Variants in FOXP1 observed in about 807,000 individuals in gnomAD.
FOXP1 encodes the protein forkhead box P1.
Under a neutral mutation model 98.2 loss-of-function variants are expected in FOXP1, and 15 were observed. The ratio of observed to expected loss-of-function variants is 0.15; its 90% CI spans 0.10 to 0.24. FOXP1 has a LOEUF of 0.24. FOXP1 is among the 10% of genes least tolerant of loss of function. The probability of loss-of-function intolerance (pLI) is 1.00; values close to 1 mark genes in which losing one functional copy is unlikely to be tolerated. For synonymous variants in FOXP1, 371 were observed against 314.5 expected (o/e 1.18, Z -1.90); for missense variants, 633 against 848.5 (o/e 0.75, Z 3.15).
chr3:71,037,085 T>C (rs2047696358), intron 11 of FOXP1, among the ~76,000 whole-genome samples: 1 of 152,176 alleles, frequency 6.6e-6, no homozygotes, highest in Admixed American at 6.5e-5. Flanking sequence ...TCCTCATCTG[T>C]AAAATGGGTA....
intron 5 of FOXP1, among the ~76,000 whole-genome samples, chr3:71,268,431 G>C (rs1162217207): frequency 6.6e-6 from 1 of 152,102 alleles, no homozygotes; most frequent in African/African-American, 2.4e-5. Context: ...GGAAAGTTGG[G>C]GGGGTAGTGG....
chr3:71,233,843 A>G lies in FOXP1; in HGVS notation c.-11-35451T>C, dbSNP rs542221615. 1.3e-4 allele frequency among the ~76,000 whole-genome samples: 20 copies of G among 152,372 alleles called. 1 individual carries two copies. The highest frequency in any genetic ancestry group is 4.8e-4 in the African/African-American group (20 of 41,582). On this transcript the variant is annotated intron_variant, in intron 5 of 20. Transcript: ENST00000649528. ...AATGCATAAAAGTGGAATCAAAAAGAGAACTTAAGACCTTGGTAAAATGGA... is the reference window on the plus strand; with the variant it reads ...AATGCATAAAAGTGGAATCAAAAAGGGAACTTAAGACCTTGGTAAAATGGA...
chr3:70,973,233 CCCCCGCCCCCG>C (rs992149486), intron 17 of FOXP1, among the ~76,000 whole-genome samples: 26 of 113,274 alleles, frequency 2.3e-4, no homozygotes, highest in East Asian at 1.4e-3. Context: ...GTGAACGGAC[CCCCCGCCCCCG>C]CCCCGCCCCG....
At chr3:71,375,803 G>A (rs577930887) in intron 3 of FOXP1, among the ~76,000 whole-genome samples, 1 of 152,282 alleles carries the variant, frequency 6.6e-6, no homozygotes, top group Non-Finnish European at 1.5e-5. Flanking sequence ...AAAATCAGAC[G>A]ATTCCTTAGA....
chr3:71,338,351 C>T (rs1026521455), intron 4 of FOXP1, among the ~76,000 whole-genome samples: 2 of 152,160 alleles, frequency 1.3e-5, no homozygotes, highest in African/African-American at 2.4e-5. Context: ...TTATGAGGGA[C>T]GGATTTGAAT....
rs2069114547 is a variant in FOXP1, at chr3:71,261,279, T to C, written c.-12+38541A>G. On this transcript the variant is annotated intron_variant, in intron 5 of 20. Coordinates refer to ENST00000649528, the MANE Select transcript of FOXP1 (RefSeq NM_001349338.3). ...TATAAATAATGCCACTTTTAGTAAA[T>C]TATCACTAAGTTTTCAACATAATAT... Among the ~76,000 whole-genome samples the C allele has an allele frequency of 2.6e-5, 4 of 152,188 alleles. No homozygotes were observed. The South Asian group carries it at 8.3e-4, about 32-fold the overall frequency.
intron 2 of FOXP1, among the ~76,000 whole-genome samples, chr3:71,529,884 A>C (rs965527418): frequency 2.0e-5 from 3 of 152,164 alleles, no homozygotes; most frequent in Admixed American, 2.0e-4. Flanking sequence ...AGTGTTTCCT[A>C]GAGTTGTGTA....
intron 2 of FOXP1, among the ~76,000 whole-genome samples, chr3:71,535,454 T>C (rs1188749461): frequency 6.6e-6 from 1 of 151,938 alleles, no homozygotes; most frequent in African/African-American, 2.4e-5. Context: ...CCTGGAATCC[T>C]AGCACTTTGG....
intron 4 of FOXP1, among the ~76,000 whole-genome samples, chr3:71,354,422 A>G (rs1341868088): frequency 2.6e-5 from 4 of 152,202 alleles, no homozygotes; most frequent in Admixed American, 6.5e-5. Context: ...GCAGCACCCC[A>G]AACTCTCAAT....
At chr3:71,476,359 A>G (rs942996243) in intron 3 of FOXP1, among the ~76,000 whole-genome samples, 24 of 151,686 alleles carry the variant, frequency 1.6e-4, no homozygotes, top group Non-Finnish European at 2.9e-4. Context: ...CTGAGCCATA[A>G]TTTGGTTAAC....
intron 3 of FOXP1, among the ~76,000 whole-genome samples, chr3:71,382,747 C>T (rs2080273731): frequency 6.6e-6 from 1 of 152,214 alleles, no homozygotes; most frequent in Non-Finnish European, 1.5e-5. Context: ...CAGTGACACT[C>T]TTTAAGCCTG....
At chr3:71,567,867 T>C (rs1433678202) in intron 2 of FOXP1, 1 of 150,796 alleles carries the variant, frequency 6.6e-6, no homozygotes, top group African/African-American at 2.5e-5. Context: ...CAGGTCACAA[T>C]GAAGGGCAGG....
Position 70,959,139 on chromosome 3 carries a change from C to A in FOXP1, c.*108G>T. The A allele has an allele frequency of 7.5e-7, 1 of 1,330,124 alleles. No homozygotes were observed. Among genetic ancestry groups the A allele is most frequent in the Non-Finnish European group, 1.1e-6 (1 of 931,890 alleles). 82.4% of individuals were successfully genotyped at this position (1,330,124 alleles called of 1,614,324 possible). A position where few individuals can be genotyped will look rare whatever the true frequency, so the allele number is the denominator to read the frequency against. On this transcript the variant is annotated 3_prime_UTR_variant, in exon 21 of 21. Coordinates refer to ENST00000649528, the MANE Select transcript of FOXP1 (RefSeq NM_001349338.3). ...GAGTTGTCAAAACGTAGTGAAAATCCTCCAGACTGTACAACAAATGGAGAA... is the reference window on the plus strand; with the variant it reads ...GAGTTGTCAAAACGTAGTGAAAATCATCCAGACTGTACAACAAATGGAGAA...
At chr3:71,476,394 T>C (rs2089845422) in intron 3 of FOXP1, among the ~76,000 whole-genome samples, 1 of 146,276 alleles carries the variant, frequency 6.8e-6, no homozygotes, top group South Asian at 2.2e-4. Context: ...TGGATATTTC[T>C]TCTGGTTTCC....
chr3:71,549,462 C>A (rs939104021), intron 2 of FOXP1, among the ~76,000 whole-genome samples: 1 of 152,202 alleles, frequency 6.6e-6, no homozygotes, highest in African/African-American at 2.4e-5. Flanking sequence ...GCAACCTCCA[C>A]CTCCCAGGTT....
chr3:70,997,994 T>C (rs1016395865), intron 13 of FOXP1, among the ~76,000 whole-genome samples: 17 of 152,226 alleles, frequency 1.1e-4, no homozygotes, highest in South Asian at 6.2e-4. Context: ...GTAGGGAAAA[T>C]TGACCCATGT....
intron 5 of FOXP1, among the ~76,000 whole-genome samples, chr3:71,295,801 T>C (rs2073227327): frequency 1.3e-5 from 2 of 152,216 alleles, no homozygotes; most frequent in South Asian, 2.1e-4. Flanking sequence ...GAAACCTTTA[T>C]TAGATCACCA....
intron 5 of FOXP1, among the ~76,000 whole-genome samples, chr3:71,260,919 A>G (rs1344004705): frequency 6.6e-6 from 1 of 152,078 alleles, no homozygotes; most frequent in Non-Finnish European, 1.5e-5. Context: ...AAAAAAGTCT[A>G]CCAATTCACA....
At chr3:71,448,536 A>T (rs1217446414) in intron 3 of FOXP1, among the ~76,000 whole-genome samples, 1 of 152,200 alleles carries the variant, frequency 6.6e-6, no homozygotes, top group Non-Finnish European at 1.5e-5. Flanking sequence ...GTTGTTATTG[A>T]CCTGTGAACT....
Sources: gnomAD v4.1 joint callset for allele counts (sites outside exome capture counted in the v4.1 genomes callset) on GRCh38, gnomAD v4.1.1 for gene constraint, MANE v1.5 for transcripts, NCBI Gene and HGNC (gene_info 2026-07-23, HGNC 2026-07-21) for gene names.